Variants in CLPTM1 observed in about 807,000 individuals in gnomAD.
CLPTM1 encodes the protein putative lipid scramblase CLPTM1.
In CLPTM1, 21 loss-of-function variants were observed where a neutral mutation model predicts 77.3. The ratio of observed to expected loss-of-function variants is 0.27; its 90% CI spans 0.19 to 0.39. The LOEUF is 0.39. CLPTM1 is among the 10% of genes least tolerant of loss of function. The pLI, the probability that CLPTM1 is intolerant of heterozygous loss-of-function variation, is 1.00. For missense variants in CLPTM1, 642 were observed against 921.2 expected, an observed-to-expected ratio of 0.70 and a Z score of 3.92; for synonymous variants, 373 against 381.0, an observed-to-expected ratio of 0.98 and a Z score of 0.24.
At position 44,955,462 on chromosome 19, in the gene CLPTM1, G is replaced by T; in HGVS notation, c.67G>T (p.Gly23Cys). 7.5e-7 allele frequency: 1 copy of T among 1,327,136 alleles called. No individual in the cohort carries two copies. The allele number at this position is 1,327,136 out of a possible 1,614,324, so 82.2% of individuals were successfully genotyped here. A position where few individuals can be genotyped will look rare whatever the true frequency, so the allele number is the denominator to read the frequency against. ...GGTGGCGGCCGGGGGAGGCAGCTCCGGTCAGGTACGGAGGCCGAGAGGGGA... is the reference window on the plus strand; with the variant it reads ...GGTGGCGGCCGGGGGAGGCAGCTCCTGTCAGGTACGGAGGCCGAGAGGGGA... ...AVVAAGGGSS[G>C]QVTSNGSIGR... Residue 23 changes from glycine (G) to cysteine (C), a missense_variant, in exon 1 of 14, where the codon GGT (glycine) becomes TGT (cysteine). Physicochemically the swap from Gly to Cys is radical, Grantham distance 159. Around this residue, in one of 2 missense-constraint regions of CLPTM1, gnomAD observed 121 missense variants for 120.8 expected, o/e 1.00. Transcript: ENST00000337392.
intron 2 of CLPTM1, among the ~76,000 whole-genome samples, chr19:44,968,849 T>C (rs1397642014): frequency 1.3e-5 from 2 of 152,144 alleles, no homozygotes; most frequent in Non-Finnish European, 2.9e-5. Context: ...TCCCCAGAGA[T>C]TGCCAGGTCC....
rs141106569 is a variant in CLPTM1 at position 44,961,970 on chromosome 19, G to C, written c.80G>C (p.Ser27Thr). The C allele has an allele frequency of 2.6e-4, 411 of 1,604,172 alleles. No individual in the cohort carries two copies. The highest frequency in any genetic ancestry group is 3.4e-4 in the Non-Finnish European group (398 of 1,176,464). ...AGGGSSGQVT[S>T]NGSIGRDPPA... ...GGCCTCTGTCCCCCACAGGTGACCA[G>C]CAATGGCAGCATCGGGAGGGACCCG... is the stretch of plus-strand genomic sequence containing the variant. The change falls in exon 2 of 14, where the codon AGC becomes ACC. Residue 27 changes from serine (S) to threonine (T), a missense_variant. This residue lies in a region of CLPTM1 where 121 missense variants were observed against 120.8 expected (regional missense o/e 1.00). Coordinates refer to ENST00000337392, the MANE Select transcript of CLPTM1 (RefSeq NM_001294.4).
intron 2 of CLPTM1, among the ~76,000 whole-genome samples, chr19:44,965,794 A>T (rs991389788): frequency 6.6e-6 from 1 of 152,270 alleles, no homozygotes; most frequent in Non-Finnish European, 1.5e-5. Context: ...AGCCTAGGCG[A>T]CAGCGAGACT....
rs772806930 is a variant in CLPTM1 at position 44,993,178 on chromosome 19, G to A, written c.*281G>A. ...ATGGTGAAGCTGATGCAGCGTTGCC[G>A]AGGGGGTGGGTTGGGCGGGGGTGGG... is the stretch of plus-strand genomic sequence containing the variant. On this transcript the variant is annotated 3_prime_UTR_variant, in exon 14 of 14. Transcript: ENST00000337392. 13 of 566,966 alleles carry A rather than the reference G, an allele frequency of 2.3e-5. No homozygotes were observed. The highest frequency in any genetic ancestry group is 8.0e-5 in the East Asian group (2 of 25,036). The allele number at this position is 566,966 out of a possible 1,614,324, so 35.1% of individuals were successfully genotyped here. A position where few individuals can be genotyped will look rare whatever the true frequency, so the allele number is the denominator to read the frequency against.
intron 2 of CLPTM1, among the ~76,000 whole-genome samples, chr19:44,965,799 G>A (rs950059539): frequency 1.3e-5 from 2 of 152,234 alleles, no homozygotes; most frequent in African/African-American, 2.4e-5. Flanking sequence ...AGGCGACAGC[G>A]AGACTCCGTC....
intron 1 of CLPTM1, among the ~76,000 whole-genome samples, chr19:44,960,480 T>C (rs1970527584): frequency 6.6e-6 from 1 of 152,100 alleles, no homozygotes; most frequent in Non-Finnish European, 1.5e-5. Context: ...CCAAGAACGG[T>C]GGGACCAGGA....
intron 2 of CLPTM1, among the ~76,000 whole-genome samples, chr19:44,965,452 C>T (rs1028650871): frequency 8.0e-5 from 12 of 149,814 alleles, no homozygotes; most frequent in African/African-American, 3.0e-4. Flanking sequence ...GAGCCAAGAT[C>T]GTGCCACTGC....
In CLPTM1 at chr19:44,977,480, C is replaced by T. The variant is rs755280702; in HGVS notation, c.586+20C>T. The stretch of plus-strand genomic sequence containing the variant: ...CCCGGAGTAAGTCGCTCCCCTGCAG[C>T]CAGGACCCACTGTCCAGGAGGCCAG... On this transcript the variant is annotated intron_variant, in intron 5 of 13. Coordinates refer to ENST00000337392, the MANE Select transcript of CLPTM1 (RefSeq NM_001294.4). 2.1e-5 allele frequency: 33 copies of T among 1,553,652 alleles called. No individual in the cohort carries two copies. The highest frequency in any genetic ancestry group is 2.7e-5 in the Non-Finnish European group (31 of 1,134,898).
intron 2 of CLPTM1, among the ~76,000 whole-genome samples, chr19:44,966,713 G>T (rs1203175178): frequency 6.6e-6 from 1 of 151,754 alleles, no homozygotes; most frequent in Non-Finnish European, 1.5e-5. Flanking sequence ...GATTCCAAGA[G>T]AATTCATGTC....
chr19:44,987,260 A>T lies in CLPTM1; in HGVS notation c.875A>T (p.Tyr292Phe). 6.2e-7 allele frequency: 1 copy of T among 1,613,990 alleles called. No homozygotes were observed. Among genetic ancestry groups the T allele is most frequent in the Non-Finnish European group, 8.5e-7 (1 of 1,179,998 alleles). ...NDYWNLQKDY[Y>F]PINESLASLP... The stretch of plus-strand genomic sequence containing the variant: ...TACTGGAACCTGCAGAAGGACTACT[A>T]CCCCATCAACGAGAGCCTGGCCAGC... The change falls in exon 8 of 14, where the codon TAC (tyrosine) becomes TTC (phenylalanine). Residue 292 changes from tyrosine (Y) to phenylalanine (F), a missense_variant. Physicochemically the swap from Tyr to Phe is conservative, Grantham distance 22. Transcript: ENST00000337392.
In CLPTM1 at chr19:44,990,489, C is replaced by T; in HGVS notation, c.1227C>T (p.Tyr409=). 4 of 1,614,150 alleles carry T rather than the reference C, an allele frequency of 2.5e-6. No homozygotes were observed. Among genetic ancestry groups the T allele is most frequent in the Non-Finnish European group, 3.4e-6 (4 of 1,179,998 alleles). ...TCCAGTCATTCGTGGTCCTCCTCTA[C>T]ATCCTGGACAACGAGACCAACTTCG... ...GVFQSFVVLL[Y]ILDNETNFVV... is the part of the protein sequence containing the mutation. The change falls in exon 10 of 14, where the codon TAC becomes TAT. Residue 409 remains tyrosine, a synonymous_variant. Coordinates refer to ENST00000337392, the MANE Select transcript of CLPTM1 (RefSeq NM_001294.4). This position sits in a 1 kb window ranked among gnomAD's most constrained non-coding sequence, Gnocchi z 4.8.
intron 7 of CLPTM1, 109 bp downstream of exon 7, chr19:44,986,684 TCCACCCTC>T: frequency 7.2e-7 from 1 of 1,392,864 alleles, no homozygotes; most frequent in Non-Finnish European, 9.6e-7. Context: ...TTTCCAGGGC[TCCACCCTC>T]CCAAGCTCCC....
At chr19:44,988,963 C>T (rs890095379) in intron 9 of CLPTM1, among the ~76,000 whole-genome samples, 1 of 151,980 alleles carries the variant, frequency 6.6e-6, no homozygotes, top group African/African-American at 2.4e-5. Context: ...GGAGGATCAC[C>T]TAAGCCCCGG....
intron 6 of CLPTM1, 101 bp downstream of exon 6, chr19:44,985,404 C>T (rs1395295863): frequency 1.2e-6 from 1 of 806,544 alleles, no homozygotes; most frequent in Non-Finnish European, 2.1e-6. Flanking sequence ...CACTGAACCA[C>T]CATGCCGGCT....
At chr19:44,986,716 C>G in intron 7 of CLPTM1, 141 bp downstream of exon 7, 1 of 1,117,938 alleles carries the variant, frequency 8.9e-7, no homozygotes, top group Non-Finnish European at 1.2e-6. Flanking sequence ...CTGTCCTATC[C>G]CCTTCCCATG....
At chr19:44,986,070 A>C (rs1443124734) in intron 6 of CLPTM1, among the ~76,000 whole-genome samples, 1 of 152,162 alleles carries the variant, frequency 6.6e-6, no homozygotes, top group East Asian at 1.9e-4. Context: ...CAGGGTTGTC[A>C]GGGGAGATGG....
chr19:44,961,318 G>T (rs887353390), intron 1 of CLPTM1, among the ~76,000 whole-genome samples: 39 of 152,308 alleles, frequency 2.6e-4, no homozygotes, highest in Middle Eastern at 3.4e-3. Flanking sequence ...GGAGGGCAGG[G>T]TTGGCCACAG....
rs776330024 is a variant in CLPTM1, at chr19:44,990,456, C to T, written c.1194C>T (p.Phe398=). ...LEGLSVRSVF[F]GVFQSFVVLL... ...GCCTGTCCGTGCGCTCCGTCTTCTT[C>T]GGCGTTTTCCAGTCATTCGTGGTCC... The change falls in exon 10 of 14, where the codon TTC becomes TTT. Residue 398 remains phenylalanine, a synonymous_variant. Transcript: ENST00000337392. The surrounding 1 kb of genome is among the most constrained non-coding windows in gnomAD (Gnocchi z 4.8). The T allele has an allele frequency of 2.2e-5, 35 of 1,613,970 alleles. No homozygotes were observed. The highest frequency in any genetic ancestry group is 1.6e-4 in the Middle Eastern group (1 of 6,082).
Position 44,992,121 on chromosome 19 carries a change from TAG to T in CLPTM1, c.1556-109_1556-108del. The stretch of plus-strand genomic sequence containing the variant: ...GAGTGTGCCCAGGTATAGGAAGTGG[TAG>T]AGTGTGCCCAGGTGTAGGAAGTGGT... On this transcript the variant is annotated intron_variant, in intron 12 of 13. Transcript: ENST00000337392. The surrounding 1 kb of genome is among the most constrained non-coding windows in gnomAD (Gnocchi z 7.7). The T allele has an allele frequency of 9.0e-7, 1 of 1,114,322 alleles. No individual in the cohort carries two copies. The highest frequency in any genetic ancestry group is 1.3e-6 in the Non-Finnish European group (1 of 765,138). The allele number at this position is 1,114,322 out of a possible 1,614,324, so 69.0% of individuals were successfully genotyped here.
Sources: gnomAD v4.1 joint callset for allele counts (sites outside exome capture counted in the v4.1 genomes callset) on GRCh38, gnomAD v4.1.1 for gene constraint, gnomAD v4.1.1 regional missense constraint, Gnocchi (gnomAD v3.1) non-coding constraint, MANE v1.5 for transcripts, NCBI Gene and HGNC (gene_info 2026-07-23, HGNC 2026-07-21) for gene names.